Variants in COL7A1 observed in about 807,000 individuals in gnomAD.
COL7A1 encodes collagen alpha-1(VII) chain.
COL7A1 carries 296 observed loss-of-function variants against 456.2 expected under a neutral mutation model. The ratio of observed to expected loss-of-function variants is 0.65; its 90% CI spans 0.59 to 0.71. The LOEUF is 0.71. COL7A1 is among the 30% of genes least tolerant of loss of function. The pLI, the probability that COL7A1 is intolerant of heterozygous loss-of-function variation, is 0.00. For missense variants in COL7A1, 3,441 were observed against 4,017.2 expected (o/e 0.86, Z 3.88); for synonymous variants, 1,464 against 1,525.9 (o/e 0.96, Z 0.95).
At chr3:48,582,021 A>G in intron 47 of COL7A1, 78 bp from the exon 48 acceptor site, 1 of 1,595,986 alleles carries the variant, frequency 6.3e-7, no homozygotes, top group Non-Finnish European at 8.6e-7. Context: ...AATGGAGGTC[A>G]CATGGAATTG....
rs1228020882 is a variant in COL7A1 at position 48,580,505 on chromosome 3, G to A, written c.5052+76C>T. The A allele has an allele frequency of 5.9e-6, 9 of 1,538,256 alleles. No individual in the cohort carries two copies. Among genetic ancestry groups the A allele is most frequent in the South Asian group, 5.7e-5 (5 of 87,668 alleles). ...GGAGGGTTTAGCATTACAGGGTTGG[G>A]GGGTAGGATCAGGTATTGGGAATTG... On this transcript the variant is annotated intron_variant, in intron 55 of 118. Coordinates refer to ENST00000681320, the MANE Select transcript of COL7A1 (RefSeq NM_000094.4). The surrounding 1 kb of genome is among the most constrained non-coding windows in gnomAD (Gnocchi z 4.5).
rs755422001 is a variant in COL7A1, at chr3:48,592,545, G to A, written c.976+25C>T. 4 of 1,613,752 alleles carry A rather than the reference G, an allele frequency of 2.5e-6. No homozygotes were observed. In the African/African-American group the frequency reaches 5.3e-5, roughly 22 times the overall value. On this transcript the variant is annotated intron_variant, in intron 8 of 118. Transcript: ENST00000681320. The surrounding 1 kb of genome is among the most constrained non-coding windows in gnomAD (Gnocchi z 7.6). ...TGGGGTCGGGGGTTAGGTGAATGGG[G>A]TCAGAGGCTGGCAGAATTGCTCACT...
intron 18 of COL7A1, 135 bp from the exon 19 acceptor site, chr3:48,589,130 G>T: frequency 6.6e-7 from 1 of 1,521,354 alleles, no homozygotes. Flanking sequence ...TGAGGAGGAG[G>T]AGGTCAGTGC....
Position 48,569,618 on chromosome 3 carries a change from C to T in COL7A1, c.7588G>A (p.Gly2530Ser). The T allele has an allele frequency of 6.2e-7, 1 of 1,613,874 alleles. No individual in the cohort carries two copies. Among genetic ancestry groups the T allele is most frequent in the Non-Finnish European group, 8.5e-7 (1 of 1,179,852 alleles). The change falls in exon 102 of 119, where the codon GGC becomes AGC. Residue 2530 changes from glycine (G) to serine (S), a missense_variant. Gly to Ser is a moderately conservative substitution (Grantham distance 56). Transcript: ENST00000681320. The surrounding 1 kb of genome is among the most constrained non-coding windows in gnomAD (Gnocchi z 4.9). ...GDSAVILGPP[G>S]PRGAKGDMGE... Reference sequence around the variant, plus strand: ...ATGTCCCCCTTGGCACCCCGTGGGCCTGGAGGCCCCAGGATCACAGCTGAG... The same window carrying T: ...ATGTCCCCCTTGGCACCCCGTGGGCTTGGAGGCCCCAGGATCACAGCTGAG...
chr3:48,577,738 G>T (rs1001034760), intron 65 of COL7A1, among the ~76,000 whole-genome samples: 11 of 152,206 alleles, frequency 7.2e-5, no homozygotes, highest in African/African-American at 2.7e-4. Flanking sequence ...GTTTGTGCCT[G>T]TCGACCTGTC....
Position 48,594,365 on chromosome 3 carries a change from C to G in COL7A1, c.266+3G>C. 6.2e-7 allele frequency: 1 copy of G among 1,609,788 alleles called. No individual in the cohort carries two copies. Among genetic ancestry groups the G allele is most frequent in the Non-Finnish European group, 8.5e-7 (1 of 1,180,008 alleles). On this transcript the variant is annotated splice_donor_region_variant and intron_variant, in intron 3 of 118. Transcript: ENST00000681320. The surrounding 1 kb of genome is among the most constrained non-coding windows in gnomAD (Gnocchi z 5.5). ...GTCCCCAGCCCCCAGGGCCCCTACT[C>G]ACCGTGGGTCATCGCTGTACTGCAC...
rs1169490808 is a variant in COL7A1, at chr3:48,573,865, G to C, written c.6527C>G (p.Pro2176Arg). The stretch of plus-strand genomic sequence containing the variant: ...TTCTTGGGTACTCACCACTGGGCCA[G>C]GGGGGCCTCTTGGACCCTGCAGACC... ...KPGLQGPRGP[P>R]GPVGGHGDPG... The change falls in exon 81 of 119, where the codon CCT becomes CGT. Residue 2176 changes from proline to arginine, a missense_variant. This residue lies in a region of COL7A1 where 2,084 missense variants were observed against 2,501.3 expected (regional missense o/e 0.83). Coordinates refer to ENST00000681320, the MANE Select transcript of COL7A1 (RefSeq NM_000094.4). This position sits in a 1 kb window ranked among gnomAD's most constrained non-coding sequence, Gnocchi z 5.5. The C allele has an allele frequency of 6.2e-7, 1 of 1,613,914 alleles. No homozygotes were observed. Among genetic ancestry groups the C allele is most frequent in the Admixed American group, 1.7e-5 (1 of 60,008 alleles).
In COL7A1 at chr3:48,590,155, A is replaced by G. The variant is rs2045585691; in HGVS notation, c.2050+58T>C. 1 of 1,591,362 alleles carries G rather than the reference A, an allele frequency of 6.3e-7. No homozygotes were observed. The highest frequency in any genetic ancestry group is 8.6e-7 in the Non-Finnish European group (1 of 1,167,338). On this transcript the variant is annotated intron_variant, in intron 16 of 118. Coordinates refer to ENST00000681320, the MANE Select transcript of COL7A1 (RefSeq NM_000094.4). This position sits in a 1 kb window ranked among gnomAD's most constrained non-coding sequence, Gnocchi z 4.6. ...GAAGCAAGGGTCTGCAAGGGAAGGC[A>G]TGGGGGTCTGAAAGAGCAATGGAGG...
rs565472139 is a variant in COL7A1 at position 48,584,333 on chromosome 3, G to A, written c.4162C>T (p.Arg1388Cys). Residue 1388 changes from arginine (R) to cysteine (C), a missense_variant, in exon 37 of 119, where the codon CGT (arginine) becomes TGT (cysteine). Arg to Cys is a radical substitution (Grantham distance 180, BLOSUM62 -3). Coordinates refer to ENST00000681320, the MANE Select transcript of COL7A1 (RefSeq NM_000094.4). ...PRGPLGDPGP[R>C]GPPGLPGTAM... is the part of the protein sequence containing the mutation. ...GTTCCAGGAAGCCCTGGGGGGCCACGGGGTCCTGGGTCCCCCAGTGGTCCA... is the reference window on the plus strand; with the variant it reads ...GTTCCAGGAAGCCCTGGGGGGCCACAGGGTCCTGGGTCCCCCAGTGGTCCA... The A allele has an allele frequency of 2.0e-5, 33 of 1,612,898 alleles. No individual in the cohort carries two copies. Among genetic ancestry groups the A allele is most frequent in the South Asian group, 7.7e-5 (7 of 91,042 alleles).
Position 48,583,343 on chromosome 3 carries a change from G to A in COL7A1, c.4437+50C>T. 6.2e-7 allele frequency: 1 copy of A among 1,613,572 alleles called. No individual in the cohort carries two copies. The highest frequency in any genetic ancestry group is 8.5e-7 in the Non-Finnish European group (1 of 1,179,608). On this transcript the variant is annotated intron_variant, in intron 42 of 118. Coordinates refer to ENST00000681320, the MANE Select transcript of COL7A1 (RefSeq NM_000094.4). The surrounding 1 kb of genome is among the most constrained non-coding windows in gnomAD (Gnocchi z 5.1). ...CTTCCAGCCTCCCCTAACACCATGGGGAGCCCAGAGTAGCACCCCTCACAC... is the reference window on the plus strand; with the variant it reads ...CTTCCAGCCTCCCCTAACACCATGGAGAGCCCAGAGTAGCACCCCTCACAC...
Position 48,573,472 on chromosome 3 carries a change from T to G in COL7A1, c.6618+41A>C. On this transcript the variant is annotated intron_variant, in intron 83 of 118. Transcript: ENST00000681320. This position sits in a 1 kb window ranked among gnomAD's most constrained non-coding sequence, Gnocchi z 5.5. ...ACACTACCCCAGGCATGGACACAGCTTGAAGGAGCCTCCTCCTCCTATCCA... is the reference window on the plus strand; with the variant it reads ...ACACTACCCCAGGCATGGACACAGCGTGAAGGAGCCTCCTCCTCCTATCCA... 6.2e-7 allele frequency: 1 copy of G among 1,613,792 alleles called. No homozygotes were observed.
In COL7A1 at chr3:48,594,477, T is replaced by A; in HGVS notation, c.157A>T (p.Asn53Tyr). ...LDGSSSIGRS[N>Y]FREVRSFLEG... ...AGAAAGCTGCGGACCTCGCGGAAAT[T>A]GCTGCGGCCAATGGATGAGGAGCCA... The change falls in exon 3 of 119, where the codon AAT becomes TAT. Residue 53 changes from asparagine (N) to tyrosine (Y), a missense_variant. This residue lies in a region of COL7A1 where 913 missense variants were observed against 1,088.2 expected (regional missense o/e 0.84). Transcript: ENST00000681320. The surrounding 1 kb of genome is among the most constrained non-coding windows in gnomAD (Gnocchi z 5.5). 6.2e-7 allele frequency: 1 copy of A among 1,612,394 alleles called. No homozygotes were observed. Among genetic ancestry groups the A allele is most frequent in the South Asian group, 1.1e-5 (1 of 91,014 alleles).
Position 48,568,988 on chromosome 3 carries a change from G to C in COL7A1, c.7687-133C>G, listed in dbSNP as rs1368894486. ...CCCTAGCAGCACGTCCTCCCAGCCT[G>C]TGCCATAGCGGGTGGAACTGGGGGC... is the stretch of plus-strand genomic sequence containing the variant. On this transcript the variant is annotated intron_variant, in intron 103 of 118. Transcript: ENST00000681320. The surrounding 1 kb of genome is among the most constrained non-coding windows in gnomAD (Gnocchi z 5.2). 2 of 859,548 alleles carry C rather than the reference G, an allele frequency of 2.3e-6. No homozygotes were observed. Among genetic ancestry groups the C allele is most frequent in the Non-Finnish European group, 3.8e-6 (2 of 531,658 alleles). 53.2% of individuals were successfully genotyped at this position (859,548 alleles called of 1,614,324 possible).
At position 48,584,318 on chromosome 3, in the gene COL7A1, G is replaced by A; in HGVS notation, c.4177C>T (p.Leu1393Phe). ...GDPGPRGPPG[L>F]PGTAMKGDKG... The stretch of plus-strand genomic sequence containing the variant: ...GTCACCTTCATGGCTGTTCCAGGAA[G>A]CCCTGGGGGGCCACGGGGTCCTGGG... The change falls in exon 37 of 119, where the codon CTT (leucine) becomes TTT (phenylalanine). Residue 1393 changes from leucine (L) to phenylalanine (F), a missense_variant. Leu to Phe is a conservative substitution (Grantham distance 22). Around this residue, in one of 3 missense-constraint regions of COL7A1, gnomAD observed 2,084 missense variants for 2,501.3 expected, o/e 0.83. Coordinates refer to ENST00000681320, the MANE Select transcript of COL7A1 (RefSeq NM_000094.4). 1 of 1,611,696 alleles carries A rather than the reference G, an allele frequency of 6.2e-7. No homozygotes were observed. The highest frequency in any genetic ancestry group is 8.5e-7 in the Non-Finnish European group (1 of 1,178,922).
chr3:48,594,368 C>T lies in COL7A1; in HGVS notation c.266G>A (p.Arg89Gln), dbSNP rs942484654. The change falls in exon 3 of 119, where the codon CGG becomes CAG. Residue 89 changes from arginine (R) to glutamine (Q), a missense_variant and splice_region_variant. Physicochemically the swap from Arg to Gln is conservative, Grantham distance 43. Coordinates refer to ENST00000681320, the MANE Select transcript of COL7A1 (RefSeq NM_000094.4). This position sits in a 1 kb window ranked among gnomAD's most constrained non-coding sequence, Gnocchi z 5.5. ...CCCAGCCCCCAGGGCCCCTACTCACCGTGGGTCATCGCTGTACTGCACTGT... is the reference window on the plus strand; with the variant it reads ...CCCAGCCCCCAGGGCCCCTACTCACTGTGGGTCATCGCTGTACTGCACTGT... Reference protein sequence around the residue: ...FATVQYSDDPRTEFGLDALGS... With the variant: ...FATVQYSDDPQTEFGLDALGS... 8 of 1,609,836 alleles carry T rather than the reference C, an allele frequency of 5.0e-6. No homozygotes were observed. Among genetic ancestry groups the T allele is most frequent in the African/African-American group, 4.0e-5 (3 of 74,874 alleles).
Position 48,583,941 on chromosome 3 carries a change from G to T in COL7A1, c.4237C>A (p.Pro1413Thr), listed in dbSNP as rs968724726. 3 of 1,614,050 alleles carry T rather than the reference G, an allele frequency of 1.9e-6. No individual in the cohort carries two copies. The highest frequency in any genetic ancestry group is 2.5e-6 in the Non-Finnish European group (3 of 1,180,012). The change falls in exon 39 of 119, where the codon CCA (proline) becomes ACA (threonine). Residue 1413 changes from proline (P) to threonine (T), a missense_variant. Pro to Thr is a conservative substitution (Grantham distance 38, BLOSUM62 -1). Around this residue, in one of 3 missense-constraint regions of COL7A1, gnomAD observed 2,084 missense variants for 2,501.3 expected, o/e 0.83. Coordinates refer to ENST00000681320, the MANE Select transcript of COL7A1 (RefSeq NM_000094.4). The surrounding 1 kb of genome is among the most constrained non-coding windows in gnomAD (Gnocchi z 5.1). ...CCAGGAGCAATGCCACCTTCACCTG[G>T]TCCAGGGGGACCCTGGGAGAGAACA... ...GDRGERGPPG[P>T]GEGGIAPGEP...
Position 48,590,952 on chromosome 3 carries a change from G to T in COL7A1, c.1637-136C>A. The T allele has an allele frequency of 1.0e-6, 1 of 970,490 alleles. No homozygotes were observed. Among genetic ancestry groups the T allele is most frequent in the Non-Finnish European group, 1.6e-6 (1 of 631,628 alleles). The allele number at this position is 970,490 out of a possible 1,614,324, so 60.1% of individuals were successfully genotyped here. A position where few individuals can be genotyped will look rare whatever the true frequency, so the allele number is the denominator to read the frequency against. ...GTGGGGTGGTGGGGACCAGAGAGCT[G>T]GGATATGGCTGAAAAAAGTGAGTGC... On this transcript the variant is annotated intron_variant, in intron 13 of 118. Transcript: ENST00000681320. The surrounding 1 kb of genome is among the most constrained non-coding windows in gnomAD (Gnocchi z 4.6).
rs2044014256 is a variant in COL7A1, at chr3:48,572,673, G to T, written c.6898C>A (p.Gln2300Lys). ...GEPGPTGAPG[Q>K]AVVGLPGAKG... Reference sequence around the variant, plus strand: ...TGGAAGTCAGGGTCAAAGATCACCTGTCCAGGGGCCCCCGTGGGGCCAGGT... The same window carrying T: ...TGGAAGTCAGGGTCAAAGATCACCTTTCCAGGGGCCCCCGTGGGGCCAGGT... Residue 2300 changes from glutamine to lysine, a missense_variant and splice_region_variant, in exon 88 of 119, where the codon CAG becomes AAG. By Grantham distance (53) the Gln-to-Lys change is moderately conservative (BLOSUM62 1). Coordinates refer to ENST00000681320, the MANE Select transcript of COL7A1 (RefSeq NM_000094.4). The surrounding 1 kb of genome is among the most constrained non-coding windows in gnomAD (Gnocchi z 4.6). The T allele has an allele frequency of 1.9e-6, 3 of 1,604,308 alleles. No individual in the cohort carries two copies. The highest frequency in any genetic ancestry group is 1.7e-5 in the Admixed American group (1 of 58,618).
Position 48,569,309 on chromosome 3 carries a change from A to G in COL7A1, c.7686+66T>C. The G allele has an allele frequency of 2.5e-6, 4 of 1,585,696 alleles. No individual in the cohort carries two copies. Among genetic ancestry groups the G allele is most frequent in the Middle Eastern group, 1.7e-4 (1 of 5,990 alleles). The stretch of plus-strand genomic sequence containing the variant: ...CCTCCTGTCCTCCCCTCCTGCCCTC[A>G]CAGATGCTGTGGAACCACCACAGCC... On this transcript the variant is annotated intron_variant, in intron 103 of 118. Coordinates refer to ENST00000681320, the MANE Select transcript of COL7A1 (RefSeq NM_000094.4). The surrounding 1 kb of genome is among the most constrained non-coding windows in gnomAD (Gnocchi z 4.9).
Sources: allele counts gnomAD v4.1 joint callset (sites outside exome capture counted in the v4.1 genomes callset), GRCh38; gene constraint gnomAD v4.1.1; regional missense constraint gnomAD v4.1.1; non-coding constraint Gnocchi (gnomAD v3.1); transcripts MANE v1.5; gene names NCBI Gene and HGNC (gene_info 2026-07-23, HGNC 2026-07-21).